The following EPSTI1 variants were observed in gnomAD, a reference collection of about 807,000 sequenced individuals.
EPSTI1 encodes epithelial-stromal interaction protein 1.
EPSTI1 carries 66 observed loss-of-function variants against 49.9 expected under a neutral mutation model. The observed-to-expected ratio is 1.32, with a 90% CI of 1.08 to 1.62. The LOEUF (loss-of-function observed/expected upper bound fraction) is 1.62. Ranked by LOEUF, EPSTI1 falls within the 40% of genes most tolerant of loss-of-function variation. The probability of loss-of-function intolerance (pLI) is 0.00; values close to 1 mark genes in which losing one functional copy is unlikely to be tolerated. For synonymous variants in EPSTI1, 137 were observed against 130.7 expected (o/e 1.05, Z -0.33); for missense variants, 394 against 365.5 (o/e 1.08, Z -0.64).
chr13:42,919,471 T>C (rs2037932410), intron 7 of EPSTI1: 2 of 777,290 alleles, frequency 2.6e-6, no homozygotes, highest in Non-Finnish European at 4.2e-6. Flanking sequence ...TGCTATATTT[T>C]ATCATTCAAC....
At chr13:42,888,550 T>G in intron 10 of EPSTI1, 48 bp from the exon 11 acceptor site, 1 of 1,560,062 alleles carries the variant, frequency 6.4e-7, no homozygotes, top group Non-Finnish European at 8.7e-7. Context: ...AAAATAAAAT[T>G]CAAAGCCTTT....
chr13:42,923,397 C>T (rs1002515073), intron 7 of EPSTI1, among the ~76,000 whole-genome samples: 1 of 152,084 alleles, frequency 6.6e-6, no homozygotes, highest in Non-Finnish European at 1.5e-5. Context: ...CCTGTCTCTA[C>T]AAAAACTACA....
Position 42,888,095 on chromosome 13 carries a change from A to T in EPSTI1, c.*399T>A. On this transcript the variant is annotated 3_prime_UTR_variant, in exon 11 of 11. Coordinates refer to ENST00000313624, the MANE Select transcript of EPSTI1 (RefSeq NM_033255.5). ...AAAGTAGGGATTAAAATCTAAAAAGACCCCCAAAGCTTTCAAAACCTGATC... is the reference window on the plus strand; with the variant it reads ...AAAGTAGGGATTAAAATCTAAAAAGTCCCCCAAAGCTTTCAAAACCTGATC... 1.4e-6 allele frequency: 1 copy of T among 738,130 alleles called. No individual in the cohort carries two copies. The highest frequency in any genetic ancestry group is 2.1e-6 in the Non-Finnish European group (1 of 484,892). 45.7% of individuals were successfully genotyped at this position (738,130 alleles called of 1,614,324 possible).
intron 8 of EPSTI1, among the ~76,000 whole-genome samples, chr13:42,917,040 T>C (rs1482661033): frequency 6.6e-6 from 1 of 152,218 alleles, no homozygotes; most frequent in Admixed American, 6.5e-5. Flanking sequence ...TTTCCATTGC[T>C]CAAAACATAT....
intron 6 of EPSTI1, among the ~76,000 whole-genome samples, chr13:42,935,925 G>C (rs1003847327): frequency 2.0e-5 from 3 of 152,062 alleles, no homozygotes; most frequent in Non-Finnish European, 4.4e-5. Context: ...CCTTTTGTTT[G>C]TTCTCAGTTC....
chr13:42,985,282 G>GT (rs1396638850), intron 1 of EPSTI1, among the ~76,000 whole-genome samples: 6 of 152,198 alleles, frequency 3.9e-5, no homozygotes, highest in Non-Finnish European at 7.4e-5. Flanking sequence ...GGTGATACAA[G>GT]TTGTTTGAGA....
chr13:42,964,910 G>A (rs1183570409), intron 3 of EPSTI1, among the ~76,000 whole-genome samples: 1 of 152,148 alleles, frequency 6.6e-6, no homozygotes, highest in Non-Finnish European at 1.5e-5. Context: ...ATTCTCTGGT[G>A]CTTTGGTCAC....
At chr13:42,939,668 A>C (rs899889041) in intron 6 of EPSTI1, among the ~76,000 whole-genome samples, 1 of 152,172 alleles carries the variant, frequency 6.6e-6, no homozygotes, top group African/African-American at 2.4e-5. Context: ...AGTAACAACA[A>C]AGATCACTGA....
rs533263604 is a variant in EPSTI1 at position 42,935,660 on chromosome 13, C to T, written c.564-9231G>A. Among the ~76,000 whole-genome samples the T allele has an allele frequency of 7.9e-5, 12 of 152,224 alleles. 1 individual carries two copies. The East Asian group carries it at 1.5e-3, about 20-fold the overall frequency. ...AGGCTGGAGTGTAACGGCGTGATCT[C>T]GGCTCACTGCAAACTCCATCTCCCA... On this transcript the variant is annotated intron_variant, in intron 6 of 10. Coordinates refer to ENST00000313624, the MANE Select transcript of EPSTI1 (RefSeq NM_033255.5).
rs2036919024 is a variant in EPSTI1 at position 42,888,253 on chromosome 13, G to A, written c.*241C>T. On this transcript the variant is annotated 3_prime_UTR_variant, in exon 11 of 11. Coordinates refer to ENST00000313624, the MANE Select transcript of EPSTI1 (RefSeq NM_033255.5). ...ATCACTCTAATTATACTTCCAATTA[G>A]AAAAATAATGTAGCATTTCCCTGGC... 6.2e-7 allele frequency: 1 copy of A among 1,613,520 alleles called. No homozygotes were observed. Among genetic ancestry groups the A allele is most frequent in the Non-Finnish European group, 8.5e-7 (1 of 1,179,684 alleles).
chr13:42,940,443 A>G (rs1054358263), intron 6 of EPSTI1, among the ~76,000 whole-genome samples: 2 of 152,202 alleles, frequency 1.3e-5, no homozygotes, highest in African/African-American at 2.4e-5. Flanking sequence ...TATCCTACAC[A>G]GTTCTTTGTC....
chr13:42,963,893 A>T (rs978913684), intron 4 of EPSTI1, among the ~76,000 whole-genome samples, 173 bp downstream of exon 4: 3 of 152,234 alleles, frequency 2.0e-5, no homozygotes, highest in Non-Finnish European at 4.4e-5. Flanking sequence ...AATTGAAGGT[A>T]TCCATCTCTT....
chr13:42,972,664 A>G (rs184874386), intron 1 of EPSTI1, among the ~76,000 whole-genome samples: 1 of 152,272 alleles, frequency 6.6e-6, no homozygotes, highest in African/African-American at 2.4e-5. Context: ...AAACAATGCA[A>G]CCTACTTAAC....
chr13:42,917,520 C>T (rs546045106), intron 8 of EPSTI1, 21 bp downstream of exon 8: 2 of 1,590,866 alleles, frequency 1.3e-6, no homozygotes, highest in East Asian at 2.3e-5. Flanking sequence ...TTAGCAATAA[C>T]TAGTAGGGGC....
rs2040206003 is a variant in EPSTI1 at position 42,992,052 on chromosome 13, T to A, written c.114A>T (p.Glu38Asp). 6.2e-7 allele frequency: 1 copy of A among 1,613,424 alleles called. No individual in the cohort carries two copies. Among genetic ancestry groups the A allele is most frequent in the Non-Finnish European group, 8.5e-7 (1 of 1,180,022 alleles). The change falls in exon 1 of 11, where the codon GAA (glutamate) becomes GAT (aspartate). Residue 38 changes from glutamate to aspartate, a missense_variant. Coordinates refer to ENST00000313624, the MANE Select transcript of EPSTI1 (RefSeq NM_033255.5). Reference protein sequence around the residue: ...SGRQGELSPVEDQREGLEAAP... With the variant: ...SGRQGELSPVDDQREGLEAAP... ...CTGCCTCCAAACCCTCTCTCTGGTC[T>A]TCCACGGGGCTCAGCTCCCCTTGCC...
At chr13:42,975,745 C>T (rs2039868617) in intron 1 of EPSTI1, among the ~76,000 whole-genome samples, 1 of 152,072 alleles carries the variant, frequency 6.6e-6, no homozygotes. Flanking sequence ...ATCTGCACAA[C>T]CATATAGAAT....
chr13:42,906,047 T>C (rs771587840), intron 8 of EPSTI1, among the ~76,000 whole-genome samples: 17 of 152,152 alleles, frequency 1.1e-4, no homozygotes, highest in Non-Finnish European at 2.1e-4. Flanking sequence ...ATGTGGTAAA[T>C]GAGGACAACA....
At chr13:42,943,231 T>C (rs953842222) in intron 6 of EPSTI1, among the ~76,000 whole-genome samples, 5 of 152,228 alleles carry the variant, frequency 3.3e-5, no homozygotes, top group Admixed American at 2.0e-4. Context: ...AGGTATAGCA[T>C]GTTTACCAGA....
At chr13:42,969,073 G>A (rs1163538448) in intron 3 of EPSTI1, 21 bp downstream of exon 3, 4 of 1,613,276 alleles carry the variant, frequency 2.5e-6, no homozygotes, top group Non-Finnish European at 3.4e-6. Flanking sequence ...CCTCATTCCG[G>A]CAGCGGCTGT....
Sources: gnomAD v4.1 joint callset for allele counts (sites outside exome capture counted in the v4.1 genomes callset) on GRCh38, gnomAD v4.1.1 for gene constraint, MANE v1.5 for transcripts, NCBI Gene and HGNC (gene_info 2026-07-23, HGNC 2026-07-21) for gene names.